Variants in ADAM19 observed in about 807,000 individuals in gnomAD.
ADAM19 encodes the protein ADAM metallopeptidase domain 19.
In ADAM19, 65 loss-of-function variants were observed where a neutral mutation model predicts 114.7. The ratio of observed to expected loss-of-function variants is 0.57; its 90% confidence interval spans 0.46 to 0.70. ADAM19 has a LOEUF of 0.70. Among genes scored for constraint, ADAM19 ranks in the 30% least tolerant of loss-of-function variants. The pLI is 0.00. For synonymous variants in ADAM19, 466 were observed against 460.5 expected, an observed-to-expected ratio of 1.01 and a Z score of -0.15; for missense variants, 1,063 against 1,204.7, an observed-to-expected ratio of 0.88 and a Z score of 1.74.
chr5:157,516,886 C>T (rs1174430664), intron 7 of ADAM19, among the ~76,000 whole-genome samples: 1 of 151,994 alleles, frequency 6.6e-6, no homozygotes, highest in East Asian at 1.9e-4. Context: ...CACACTATTC[C>T]CCCATCCTAT....
Position 157,488,436 on chromosome 5 carries a change from G to T in ADAM19, c.2379C>A (p.Pro793=), listed in dbSNP as rs1755027344. 1.2e-6 allele frequency: 2 copies of T among 1,611,566 alleles called. No homozygotes were observed. The highest frequency in any genetic ancestry group is 1.7e-6 in the Non-Finnish European group (2 of 1,178,298). The part of the protein sequence containing the change: ...LRKPSQPPPR[P]PPDYLRGGSP... ...ACCCACCACGCAGATAATCTGGAGG[G>T]GGCCGGGGAGGAGGCTGGGAGGGCT... Residue 793 remains proline (P), a synonymous_variant, in exon 21 of 23, where the codon CCC becomes CCA. Transcript: ENST00000257527.
At chr5:157,545,174 C>G (rs971420041) in intron 3 of ADAM19, among the ~76,000 whole-genome samples, 1 of 152,160 alleles carries the variant, frequency 6.6e-6, no homozygotes, top group Non-Finnish European at 1.5e-5. Context: ...AGACACAGAC[C>G]GCACCCAAAG....
intron 16 of ADAM19, among the ~76,000 whole-genome samples, chr5:157,492,452 A>C (rs1392029676): frequency 6.6e-6 from 1 of 152,256 alleles, no homozygotes; most frequent in African/African-American, 2.4e-5. Context: ...ATATTGTTAA[A>C]GTATCATATT....
rs1271994698 is a variant in ADAM19 at position 157,481,065 on chromosome 5, G to GGGCA, written c.2704-67_2704-64dup. On this transcript the variant is annotated intron_variant, in intron 22 of 22. Coordinates refer to ENST00000257527, the MANE Select transcript of ADAM19 (RefSeq NM_033274.5). ...TTGATGCTGATCAATGGGATCAAGG[G>GGGCA]GGCAGCCATCCTCCCGATTTTAGAA... The GGGCA allele has an allele frequency of 2.5e-6, 4 of 1,607,578 alleles. No individual in the cohort carries two copies. In the South Asian group the frequency reaches 4.4e-5, roughly 18 times the overall value.
intron 11 of ADAM19, 26 bp downstream of exon 11, chr5:157,505,643 A>T (rs964001928): frequency 1.2e-6 from 2 of 1,611,718 alleles, no homozygotes; most frequent in Admixed American, 1.7e-5. Flanking sequence ...CCTCCTCCCC[A>T]TCCTCCCTCT....
chr5:157,511,264 C>T (rs1755912177), intron 8 of ADAM19, among the ~76,000 whole-genome samples: 1 of 152,164 alleles, frequency 6.6e-6, no homozygotes, highest in Admixed American at 6.5e-5. Flanking sequence ...TTGGTAGGTA[C>T]TGCCCCAGCT....
In ADAM19 at chr5:157,504,868, C is replaced by T. The variant is rs1755691076; in HGVS notation, c.1130+801G>A. 2.0e-5 allele frequency among the ~76,000 whole-genome samples: 3 copies of T among 151,764 alleles called. No homozygotes were observed. In the South Asian group the frequency reaches 6.2e-4, roughly 32 times the overall value. On this transcript the variant is annotated intron_variant, in intron 11 of 22. Transcript: ENST00000257527. ...AGCGCGGTGGCTCACACCTGTAATC[C>T]CAGCACTTTGGGAGGCCGAGGCGGG... is the stretch of plus-strand genomic sequence containing the variant.
At chr5:157,486,702 C>A (rs1457069474) in intron 21 of ADAM19, among the ~76,000 whole-genome samples, 1 of 151,852 alleles carries the variant, frequency 6.6e-6, no homozygotes, top group Non-Finnish European at 1.5e-5. Flanking sequence ...TCTGCTGGCA[C>A]TCCTGTTCTC....
rs753049471 is a variant in ADAM19, at chr5:157,489,139, G to A, written c.2288C>T (p.Pro763Leu). The change falls in exon 20 of 23, where the codon CCA (proline) becomes CTA (leucine). Residue 763 changes from proline (P) to leucine (L), a missense_variant. By Grantham distance (98) the Pro-to-Leu change is moderately conservative. Coordinates refer to ENST00000257527, the MANE Select transcript of ADAM19 (RefSeq NM_033274.5). ...SQNSGTGHANPTFKLQTPQGK... is the reference protein window; with the variant it reads ...SQNSGTGHANLTFKLQTPQGK... Reference sequence around the variant, plus strand: ...CTGGGGCGTCTGCAGCTTGAAAGTTGGGTTGGCATGACCAGTCCCGCTGTT... The same window carrying A: ...CTGGGGCGTCTGCAGCTTGAAAGTTAGGTTGGCATGACCAGTCCCGCTGTT... 1 of 1,614,152 alleles carries A rather than the reference G, an allele frequency of 6.2e-7. No individual in the cohort carries two copies. The highest frequency in any genetic ancestry group is 2.2e-5 in the East Asian group (1 of 44,886).
chr5:157,512,080 C>T (rs1025383811), intron 8 of ADAM19, among the ~76,000 whole-genome samples: 2 of 152,314 alleles, frequency 1.3e-5, no homozygotes, highest in East Asian at 3.9e-4. Context: ...CTTGTTTTCC[C>T]AGATGTCAAA....
Position 157,502,606 on chromosome 5 carries a change from T to C in ADAM19, c.1308+197A>G, listed in dbSNP as rs544877205. Among the ~76,000 whole-genome samples the C allele has an allele frequency of 6.6e-5, 10 of 152,344 alleles. No individual in the cohort carries two copies. The South Asian group carries it at 1.5e-3, about 22-fold the overall frequency. ...AACTGATCCTGGACACTAGCGATGCTGGCCACAAACTAGCAGAGGCGGCAC... is the reference window on the plus strand; with the variant it reads ...AACTGATCCTGGACACTAGCGATGCCGGCCACAAACTAGCAGAGGCGGCAC... On this transcript the variant is annotated intron_variant, in intron 12 of 22. Transcript: ENST00000257527.
At chr5:157,537,175 C>T (rs112169621) in intron 4 of ADAM19, among the ~76,000 whole-genome samples, 6 of 152,292 alleles carry the variant, frequency 3.9e-5, no homozygotes, top group South Asian at 2.1e-4. Context: ...GTCGGGGCAA[C>T]GCCATTGGTT....
At position 157,575,655 on chromosome 5, in the gene ADAM19, C is replaced by T; in HGVS notation, c.42G>A (p.Ala14=). The part of the protein sequence containing the change: ...GAGAARLCLL[A]FALQPLRPRA... Reference sequence around the variant, plus strand: ...GCGGCCGGAGGGGCTGCAGGGCAAACGCCAGCAAGCAGAGCCGGGCGGCGC... The same window carrying T: ...GCGGCCGGAGGGGCTGCAGGGCAAATGCCAGCAAGCAGAGCCGGGCGGCGC... Residue 14 remains alanine, a synonymous_variant, in exon 1 of 23, where the codon GCG becomes GCA. Coordinates refer to ENST00000257527, the MANE Select transcript of ADAM19 (RefSeq NM_033274.5). 1.4e-6 allele frequency: 2 copies of T among 1,400,076 alleles called. No homozygotes were observed. Among genetic ancestry groups the T allele is most frequent in the South Asian group, 1.5e-5 (1 of 65,152 alleles). 86.7% of individuals were successfully genotyped at this position (1,400,076 alleles called of 1,614,324 possible). A position where few individuals can be genotyped will look rare whatever the true frequency, so the allele number is the denominator to read the frequency against.
At chr5:157,505,429 A>G (rs1364482120) in intron 11 of ADAM19, among the ~76,000 whole-genome samples, 2 of 152,258 alleles carry the variant, frequency 1.3e-5, no homozygotes, top group African/African-American at 4.8e-5. Flanking sequence ...TCAACACCTT[A>G]AAACAGAAAT....
At chr5:157,507,032 GCA>G (rs1561535089) in intron 10 of ADAM19, 22 bp downstream of exon 10, 1 of 1,603,190 alleles carries the variant, frequency 6.2e-7, no homozygotes, top group Non-Finnish European at 8.5e-7. Context: ...CTTCTGCAGC[GCA>G]CACACACGGG....
At chr5:157,556,681 A>T (rs1183413168) in intron 3 of ADAM19, among the ~76,000 whole-genome samples, 1 of 152,212 alleles carries the variant, frequency 6.6e-6, no homozygotes, top group Non-Finnish European at 1.5e-5. Flanking sequence ...ATAATGTAGT[A>T]AGAGGCAGGC....
At chr5:157,499,860 C>T (rs1755502852) in intron 12 of ADAM19, among the ~76,000 whole-genome samples, 198 bp from the exon 13 acceptor site, 3 of 150,466 alleles carry the variant, frequency 2.0e-5, no homozygotes, top group African/African-American at 7.4e-5. Flanking sequence ...GTCACTGCAA[C>T]CTCTGCTTCC....
rs369088638 is a variant in ADAM19, at chr5:157,530,266, A to G, written c.407+541T>C. On this transcript the variant is annotated intron_variant, in intron 5 of 22. Coordinates refer to ENST00000257527, the MANE Select transcript of ADAM19 (RefSeq NM_033274.5). ...TCTGGGCCACTATCCCCCTTCCCTAATCACCCCAGAACCAGGTATAGGACA... is the reference window on the plus strand; with the variant it reads ...TCTGGGCCACTATCCCCCTTCCCTAGTCACCCCAGAACCAGGTATAGGACA... 7.2e-5 allele frequency among the ~76,000 whole-genome samples: 11 copies of G among 152,178 alleles called. No homozygotes were observed. In the East Asian group the frequency reaches 1.5e-3, roughly 21 times the overall value.
chr5:157,560,107 T>C (rs1757470303), intron 3 of ADAM19, among the ~76,000 whole-genome samples: 1 of 149,892 alleles, frequency 6.7e-6, no homozygotes, highest in African/African-American at 2.5e-5. Flanking sequence ...CTACTAAAAA[T>C]ACAAAAAATT....
Sources: allele counts gnomAD v4.1 joint callset (sites outside exome capture counted in the v4.1 genomes callset), GRCh38; gene constraint gnomAD v4.1.1; transcripts MANE v1.5; gene names NCBI Gene and HGNC (gene_info 2026-07-23, HGNC 2026-07-21).